STK10: variants seen among roughly 807,000 people sequenced by gnomAD.
STK10 encodes the protein serine/threonine kinase 10.
In STK10, 78 loss-of-function variants were observed where a neutral mutation model predicts 113.8. The observed-to-expected ratio is 0.69, with a 90% CI of 0.57 to 0.83. The LOEUF (loss-of-function observed/expected upper bound fraction) is 0.83, where lower values mean the gene tolerates loss of function less well. STK10 is among the 40% of genes least tolerant of loss of function. The probability of loss-of-function intolerance (pLI) is 0.00; values close to 1 mark genes in which losing one functional copy is unlikely to be tolerated. For missense variants in STK10, 1,109 were observed against 1,280.1 expected (o/e 0.87, Z 2.04); for synonymous variants, 465 against 494.7 (o/e 0.94, Z 0.80).
At chr5:172,116,067 TTTTTTG>T (rs538581229) in intron 4 of STK10, among the ~76,000 whole-genome samples, 164 of 152,210 alleles carry the variant, frequency 1.1e-3, no homozygotes, top group Non-Finnish European at 9.6e-4. Context: ...TGTTGTTTGT[TTTTTTG>T]TTTTTGTTTT....
chr5:172,115,641 GT>G (rs1769366544), intron 4 of STK10, among the ~76,000 whole-genome samples: 1 of 152,200 alleles, frequency 6.6e-6, no homozygotes, highest in African/African-American at 2.4e-5. Flanking sequence ...GAGGGTAGTG[GT>G]TAAGCACGTA....
chr5:172,160,122 T>TGA (rs1416276004), intron 1 of STK10, among the ~76,000 whole-genome samples: 3 of 145,242 alleles, frequency 2.1e-5, no homozygotes, highest in Non-Finnish European at 3.0e-5. Context: ...GGCGACAGAG[T>TGA]GAGACTCTGT....
chr5:172,137,794 G>A (rs1769894910), intron 2 of STK10, among the ~76,000 whole-genome samples: 3 of 149,250 alleles, frequency 2.0e-5, no homozygotes, highest in African/African-American at 7.4e-5. Context: ...TCGGGAGGCT[G>A]AGGCAGGAGA....
intron 12 of STK10, among the ~76,000 whole-genome samples, chr5:172,072,878 A>G (rs1768227244): frequency 6.6e-6 from 1 of 152,260 alleles, no homozygotes; most frequent in Non-Finnish European, 1.5e-5. Flanking sequence ...GGAATCTACA[A>G]AGAAAGATAC....
intron 10 of STK10, among the ~76,000 whole-genome samples, chr5:172,089,393 C>CATGGATGGATGGATGG (rs5873300): frequency 1.3e-4 from 17 of 132,998 alleles, no homozygotes; most frequent in East Asian, 2.1e-4. Context: ...TTGGTGGATA[C>CATGGATGGATGGATGG]ATGGATGGAT....
At chr5:172,150,862 A>G (rs575219164) in intron 2 of STK10, among the ~76,000 whole-genome samples, 15 of 152,310 alleles carry the variant, frequency 9.8e-5, no homozygotes, top group African/African-American at 3.4e-4. Flanking sequence ...TCCTTCAGGG[A>G]GGGTAACCAC....
chr5:172,184,827 A>AT (rs924067662), intron 1 of STK10, among the ~76,000 whole-genome samples: 10 of 151,614 alleles, frequency 6.6e-5, no homozygotes, highest in Non-Finnish European at 1.5e-4. Context: ...TAATTTTTTT[A>AT]TTTTTTTATT....
intron 7 of STK10, among the ~76,000 whole-genome samples, chr5:172,096,799 A>G (rs1396178525): frequency 6.6e-6 from 1 of 152,148 alleles, no homozygotes; most frequent in East Asian, 1.9e-4. Context: ...AACCTCTCTG[A>G]GCCACAGGCT....
At chr5:172,081,729 G>A (rs1202506493) in intron 12 of STK10, among the ~76,000 whole-genome samples, 1 of 152,176 alleles carries the variant, frequency 6.6e-6, no homozygotes, top group African/African-American at 2.4e-5. Flanking sequence ...GGGAGACTGG[G>A]AACAGCCTGG....
At chr5:172,054,160 C>T (rs1354881834) in intron 17 of STK10, among the ~76,000 whole-genome samples, 1 of 152,166 alleles carries the variant, frequency 6.6e-6, no homozygotes, top group Non-Finnish European at 1.5e-5. Flanking sequence ...AACCCAGGGG[C>T]CAGGAAGCTT....
At chr5:172,158,282 C>CA (rs70982372) in intron 1 of STK10, among the ~76,000 whole-genome samples, 34,234 of 144,976 alleles carry the variant, frequency 0.24, 4,287 homozygotes, top group East Asian at 0.32. Context: ...GGTATATACC[C>CA]AAAAAAAAAA....
intron 10 of STK10, among the ~76,000 whole-genome samples, chr5:172,087,631 T>TTATTTATTTA (rs1561801957): frequency 1.6e-5 from 2 of 128,290 alleles, no homozygotes; most frequent in African/African-American, 7.4e-5. Flanking sequence ...TTATTTTTTT[T>TTATTTATTTA]TTTTTTTTGA....
intron 16 of STK10, 93 bp downstream of exon 16, chr5:172,055,495 T>C (rs1439473547): frequency 2.5e-6 from 3 of 1,217,632 alleles, no homozygotes; most frequent in South Asian, 5.9e-5. Flanking sequence ...TCTTGTTTCA[T>C]ATTCTCCAAA....
rs1226289994 is a variant in STK10, at chr5:172,114,473, A to ATATAT, written c.520+3007_520+3008insATATA. 26 of 47,540 alleles carry ATATAT rather than the reference A, an allele frequency of 5.5e-4. 2 individuals carry two copies. The highest frequency in any genetic ancestry group is 1.7e-3 in the South Asian group (2 of 1,186). 2.9% of individuals were successfully genotyped at this position (47,540 alleles called of 1,614,324 possible). ...ATTATATATATATATATATATATAT[A>ATATAT]TTTTTTTTTTTTTTTTTTTTTTTTT... On this transcript the variant is annotated intron_variant, in intron 4 of 18. Coordinates refer to ENST00000176763, the MANE Select transcript of STK10 (RefSeq NM_005990.4).
At chr5:172,126,317 C>T (rs1422189447) in intron 3 of STK10, among the ~76,000 whole-genome samples, 3 of 152,180 alleles carry the variant, frequency 2.0e-5, no homozygotes, top group African/African-American at 4.8e-5. Context: ...GTAATCCCAG[C>T]GCTTTGGGAG....
Position 172,056,791 on chromosome 5 carries a change from T to C in STK10, c.2337+558A>G, listed in dbSNP as rs139077584. On this transcript the variant is annotated intron_variant, in intron 15 of 18. Transcript: ENST00000176763. Reference sequence around the variant, plus strand: ...CGGGAGGCTGAGGCAGGAGAATCACTTGAACCCAGGAGGTGGAGGTTGCAG... The same window carrying C: ...CGGGAGGCTGAGGCAGGAGAATCACCTGAACCCAGGAGGTGGAGGTTGCAG... Among the ~76,000 whole-genome samples the C allele has an allele frequency of 5.9e-3, 893 of 151,170 alleles. 7 individuals are homozygous for C. The highest frequency in any genetic ancestry group is 0.02 in the African/African-American group (842 of 41,126).
chr5:172,122,715 C>T lies in STK10; in HGVS notation c.370+4658G>A, dbSNP rs542162245. Among the ~76,000 whole-genome samples, 72 of 152,302 alleles carry T rather than the reference C, an allele frequency of 4.7e-4. 1 individual carries two copies. The highest frequency in any genetic ancestry group is 2.5e-3 in the Admixed American group (39 of 15,304). On this transcript the variant is annotated intron_variant, in intron 3 of 18. Coordinates refer to ENST00000176763, the MANE Select transcript of STK10 (RefSeq NM_005990.4). ...CTAGGCTCACTGCAAGCTCCGCCTC[C>T]CAGGTTCACGCCATTCTCCTGCCTC...
In STK10 at chr5:172,056,954, G is replaced by GGAAAGAAA. The variant is rs758056970; in HGVS notation, c.2337+387_2337+394dup. 9.5e-3 allele frequency: 749 copies of GGAAAGAAA among 78,910 alleles called. 11 individuals are homozygous for GGAAAGAAA. The highest frequency in any genetic ancestry group is 0.012 in the Non-Finnish European group (490 of 42,186). The allele number at this position is 78,910 out of a possible 1,614,324, so 4.9% of individuals were successfully genotyped here. On this transcript the variant is annotated intron_variant, in intron 15 of 18. Transcript: ENST00000176763. ...GGAAAGAAAAGAAAGAAAGAAAGAA[G>GGAAAGAAA]GAAAGAAAGAAAGAAAGAAAGAAAG...
At chr5:172,148,077 C>T (rs1167458577) in intron 2 of STK10, among the ~76,000 whole-genome samples, 1 of 152,126 alleles carries the variant, frequency 6.6e-6, no homozygotes, top group African/African-American at 2.4e-5. Context: ...ATGAAAGCCA[C>T]GAGCAGGTCT....
Sources: gnomAD v4.1 joint callset for allele counts (sites outside exome capture counted in the v4.1 genomes callset) on GRCh38, gnomAD v4.1.1 for gene constraint, MANE v1.5 for transcripts, NCBI Gene and HGNC (gene_info 2026-07-23, HGNC 2026-07-21) for gene names.